KLF12: variants seen among roughly 807,000 people sequenced by gnomAD.
The protein encoded by KLF12 is KLF transcription factor 12, also known as Krueppel-like factor 12.
KLF12 carries 9 observed loss-of-function variants against 37.8 expected under a neutral mutation model. That is an observed-to-expected ratio of 0.24 (90% CI 0.14 to 0.42). The LOEUF (loss-of-function observed/expected upper bound fraction) is 0.42. Among genes scored for constraint, KLF12 ranks in the 10% least tolerant of loss-of-function variants. The pLI is 1.00. For synonymous variants in KLF12, 208 were observed against 202.1 expected, an observed-to-expected ratio of 1.03 and a Z score of -0.25; for missense variants, 411 against 516.0, an observed-to-expected ratio of 0.80 and a Z score of 1.97.
intron 1 of KLF12, among the ~76,000 whole-genome samples, chr13:74,128,933 AATATAG>A (rs977273987): frequency 2.0e-4 from 31 of 152,242 alleles, no homozygotes; most frequent in African/African-American, 6.7e-4. Flanking sequence ...GTTATGTACT[AATATAG>A]ATATAGACTA....
At chr13:73,935,857 C>T (rs537109345) in intron 3 of KLF12, among the ~76,000 whole-genome samples, 16 of 152,200 alleles carry the variant, frequency 1.1e-4, no homozygotes, top group Middle Eastern at 3.4e-3. Context: ...TGAACTCCTG[C>T]GCTCAAGTGA....
intron 5 of KLF12, among the ~76,000 whole-genome samples, chr13:73,771,460 A>G (rs1880266159): frequency 6.6e-6 from 1 of 152,248 alleles, no homozygotes. Context: ...CACATATAAT[A>G]AACATGTAGC....
intron 3 of KLF12, among the ~76,000 whole-genome samples, chr13:73,860,942 G>T (rs1217839950): frequency 6.6e-6 from 1 of 152,098 alleles, no homozygotes; most frequent in Non-Finnish European, 1.5e-5. Flanking sequence ...TTTACAAGAA[G>T]AGATGAAAGA....
At chr13:74,150,441 T>G in the KLF12 span, among the ~76,000 whole-genome samples, 1 of 152,230 alleles carries the variant, frequency 6.6e-6, no homozygotes, top group Non-Finnish European at 1.5e-5. Context: ...AAATGTGATG[T>G]CTTTTCCATC....
intron 1 of KLF12, among the ~76,000 whole-genome samples, chr13:73,995,511 T>TG (rs1197595643): frequency 1.3e-5 from 2 of 152,158 alleles, no homozygotes; most frequent in African/African-American, 4.8e-5. Flanking sequence ...GTCATTTCAT[T>TG]GGGGGAAATG....
the KLF12 span, among the ~76,000 whole-genome samples, chr13:74,176,553 A>G: frequency 6.6e-6 from 1 of 151,992 alleles, no homozygotes; most frequent in African/African-American, 2.4e-5. Context: ...TGGCACTGAA[A>G]CCTTCAGCTC....
chr13:74,254,691 G>T, the KLF12 span, among the ~76,000 whole-genome samples: 1 of 152,122 alleles, frequency 6.6e-6, no homozygotes, highest in Non-Finnish European at 1.5e-5. Flanking sequence ...TGTGAGGCTC[G>T]GAGCTAGACA....
chr13:74,047,149 G>T (rs1029391892), intron 1 of KLF12, among the ~76,000 whole-genome samples: 27 of 152,200 alleles, frequency 1.8e-4, no homozygotes, highest in African/African-American at 6.0e-4. Context: ...TAGTCTACAT[G>T]CTTGGGTAAG....
At chr13:74,018,855 C>T (rs988920216) in intron 1 of KLF12, among the ~76,000 whole-genome samples, 1 of 152,074 alleles carries the variant, frequency 6.6e-6, no homozygotes, top group African/African-American at 2.4e-5. Context: ...TGTTTCACTC[C>T]ATAACGTTCA....
chr13:73,807,546 T>TA (rs1882711778), intron 5 of KLF12, among the ~76,000 whole-genome samples: 1 of 152,190 alleles, frequency 6.6e-6, no homozygotes, highest in Admixed American at 6.5e-5. Context: ...GTGCTTTAAT[T>TA]AGCTTAAATG....
At chr13:73,943,061 T>C (rs1399055996) in intron 3 of KLF12, among the ~76,000 whole-genome samples, 3 of 152,238 alleles carry the variant, frequency 2.0e-5, no homozygotes, top group Non-Finnish European at 4.4e-5. Flanking sequence ...TTGATTTTTA[T>C]ACTCTAACAG....
chr13:73,783,518 T>A (rs1296860920), intron 5 of KLF12, among the ~76,000 whole-genome samples: 1 of 152,166 alleles, frequency 6.6e-6, no homozygotes, highest in Non-Finnish European at 1.5e-5. Context: ...ACGTTTGAGA[T>A]GATGGATATC....
chr13:73,711,217 AGC>A (rs1875374025), intron 7 of KLF12, among the ~76,000 whole-genome samples: 1 of 152,260 alleles, frequency 6.6e-6, no homozygotes, highest in South Asian at 2.1e-4. Flanking sequence ...TGCAAGTTGT[AGC>A]AGCAAGTGCT....
At chr13:73,827,854 T>C (rs1011592746) in intron 4 of KLF12, among the ~76,000 whole-genome samples, 12 of 141,036 alleles carry the variant, frequency 8.5e-5, no homozygotes, top group African/African-American at 2.6e-5. Context: ...TGAGCCACTG[T>C]GTCCGGGCCC....
chr13:74,089,243 A>C (rs912385376), intron 1 of KLF12, among the ~76,000 whole-genome samples: 3 of 152,202 alleles, frequency 2.0e-5, no homozygotes, highest in Admixed American at 2.0e-4. Context: ...AAAAAGGTGG[A>C]GAATCAAAGA....
In KLF12 at chr13:73,731,337, C is replaced by T. The variant is rs375992533; in HGVS notation, c.870-15812G>A. Among the ~76,000 whole-genome samples, 43 of 151,630 alleles carry T rather than the reference C, an allele frequency of 2.8e-4. No individual in the cohort carries two copies. The East Asian group carries it at 5.4e-3, about 19-fold the overall frequency. On this transcript the variant is annotated intron_variant, in intron 6 of 7. Transcript: ENST00000377669. ...AATACATTTATGTTTAAATGACAAC[C>T]GAGTAGCACTTTCATTTGCTAGACA...
intron 5 of KLF12, among the ~76,000 whole-genome samples, chr13:73,773,422 G>A (rs1336980110): frequency 2.6e-5 from 4 of 152,020 alleles, no homozygotes; most frequent in Non-Finnish European, 4.4e-5. Flanking sequence ...ATGTCAGAAA[G>A]GCAAAAAACA....
chr13:73,768,238 G>C (rs1880047273), intron 5 of KLF12, among the ~76,000 whole-genome samples: 2 of 152,104 alleles, frequency 1.3e-5, no homozygotes, highest in Admixed American at 6.5e-5. Context: ...AGGGCTGCGA[G>C]GTTTAAATCA....
At chr13:74,005,834 G>A (rs576604383) in intron 1 of KLF12, among the ~76,000 whole-genome samples, 1 of 152,142 alleles carries the variant, frequency 6.6e-6, no homozygotes, top group East Asian at 1.9e-4. Context: ...CTATAATGGT[G>A]TTATTGTATT....
Sources: allele counts gnomAD v4.1 joint callset (sites outside exome capture counted in the v4.1 genomes callset), GRCh38; gene constraint gnomAD v4.1.1; transcripts MANE v1.5; gene names NCBI Gene and HGNC (gene_info 2026-07-23, HGNC 2026-07-21).